The following ZNF410 variants were observed in gnomAD, a reference collection of about 807,000 sequenced individuals.
The protein encoded by ZNF410 is zinc finger protein 410.
ZNF410 carries 18 observed loss-of-function variants against 54.8 expected under a neutral mutation model. That is an observed-to-expected ratio of 0.33 (90% confidence interval 0.23 to 0.49). The LOEUF (loss-of-function observed/expected upper bound fraction) is 0.49, where lower values mean the gene tolerates loss of function less well. Among genes scored for constraint, ZNF410 ranks in the 20% least tolerant of loss-of-function variants. The pLI is 0.99. For synonymous variants in ZNF410, 191 were observed against 207.3 expected (o/e 0.92, Z 0.68); for missense variants, 405 against 569.6 (o/e 0.71, Z 2.94).
At chr14:73,919,641 G>A (rs1380259966) in intron 8 of ZNF410, among the ~76,000 whole-genome samples, 1 of 152,176 alleles carries the variant, frequency 6.6e-6, no homozygotes, top group Non-Finnish European at 1.5e-5. Flanking sequence ...TGGCTGCATA[G>A]TATTTCATGG....
chr14:73,904,803 G>C, intron 6 of ZNF410, 99 bp from the exon 7 acceptor site: 3 of 1,334,812 alleles, frequency 2.2e-6, no homozygotes, highest in Non-Finnish European at 3.0e-6. Flanking sequence ...TCCAGTTTTT[G>C]GACTTACTGT....
chr14:73,894,737 T>C (rs2055287134), intron 3 of ZNF410, among the ~76,000 whole-genome samples: 1 of 152,124 alleles, frequency 6.6e-6, no homozygotes, highest in South Asian at 2.1e-4. Flanking sequence ...TATCAATACA[T>C]ACTTTCTAAA....
chr14:73,906,514 T>A (rs2055493185), intron 7 of ZNF410: 1 of 151,938 alleles, frequency 6.6e-6, no homozygotes, highest in Non-Finnish European at 1.5e-5. Context: ...GGAGTCTCAC[T>A]CTGTCGCCCA....
At chr14:73,891,463 C>T (rs2055228904) in intron 1 of ZNF410, among the ~76,000 whole-genome samples, 1 of 152,276 alleles carries the variant, frequency 6.6e-6, no homozygotes, top group Middle Eastern at 3.4e-3. Context: ...AAGGGATTCT[C>T]CTGCCTCAGT....
rs2055912565 is a variant in ZNF410 at position 73,931,400 on chromosome 14, G to GGAAGTAGA, written c.1399-103_1399-102insGAAGTAGA. 4.1e-6 allele frequency: 4 copies of GGAAGTAGA among 970,222 alleles called. No homozygotes were observed. In the African/African-American group the frequency reaches 6.6e-5, roughly 16 times the overall value. 60.1% of individuals were successfully genotyped at this position (970,222 alleles called of 1,614,324 possible). On this transcript the variant is annotated intron_variant, in intron 11 of 11. Transcript: ENST00000555044. ...AAGTAGATAGCCTTCATTCACCCCT[G>GGAAGTAGA]TAGTGCATTCTCCATCCTCCACTCT...
chr14:73,912,012 G>A lies in ZNF410; in HGVS notation c.1003+2582G>A, dbSNP rs371944961. Among the ~76,000 whole-genome samples the A allele has an allele frequency of 1.3e-3, 200 of 152,208 alleles. 1 individual carries two copies. Among genetic ancestry groups the A allele is most frequent in the African/African-American group, 4.7e-3 (194 of 41,520 alleles). On this transcript the variant is annotated intron_variant, in intron 8 of 11. Coordinates refer to ENST00000555044, the MANE Select transcript of ZNF410 (RefSeq NM_021188.3). The stretch of plus-strand genomic sequence containing the variant: ...GTAAGTAAGCTCTAAAAGCTTCAAA[G>A]TTTGGAAGTTTTGGGCAAGAATATG...
At chr14:73,902,694 G>A (rs1245373377) in intron 5 of ZNF410, among the ~76,000 whole-genome samples, 2 of 152,124 alleles carry the variant, frequency 1.3e-5, no homozygotes, top group Non-Finnish European at 2.9e-5. Context: ...ATATGCTCAT[G>A]GCAGAATTAA....
At chr14:73,906,732 C>T (rs1314802690) in intron 7 of ZNF410, among the ~76,000 whole-genome samples, 1 of 151,762 alleles carries the variant, frequency 6.6e-6, no homozygotes, top group African/African-American at 2.4e-5. Flanking sequence ...GCCGACCTTG[C>T]CCTCCCAAAG....
At chr14:73,896,054 C>A in intron 3 of ZNF410, 1 of 447,884 alleles carries the variant, frequency 2.2e-6, no homozygotes, top group South Asian at 3.2e-5. Context: ...CTGTGATGTC[C>A]AAATGTTGAA....
intron 7 of ZNF410, among the ~76,000 whole-genome samples, chr14:73,906,679 A>G (rs2055495447): frequency 6.6e-6 from 1 of 151,894 alleles, no homozygotes; most frequent in Non-Finnish European, 1.5e-5. Context: ...GGGTTTTGCC[A>G]TGTTGGCCAG....
intron 11 of ZNF410, among the ~76,000 whole-genome samples, chr14:73,925,795 G>A (rs1470655334): frequency 1.3e-5 from 2 of 152,150 alleles, no homozygotes; most frequent in African/African-American, 4.8e-5. Context: ...ACTTTCGGAG[G>A]TGGAGGCAAG....
chr14:73,903,313 C>T (rs1237290282), intron 5 of ZNF410, among the ~76,000 whole-genome samples: 4 of 152,190 alleles, frequency 2.6e-5, no homozygotes, highest in South Asian at 2.1e-4. Flanking sequence ...CCCTGCTTCT[C>T]CACCAAACTG....
intron 7 of ZNF410, among the ~76,000 whole-genome samples, chr14:73,907,894 GAA>G (rs113294277): frequency 2.2e-5 from 3 of 135,762 alleles, no homozygotes; most frequent in East Asian, 2.1e-4. Context: ...ACTCTGTCTT[GAA>G]AAAAAAAAAA....
chr14:73,896,257 A>G, intron 3 of ZNF410, 59 bp from the exon 4 acceptor site: 1 of 1,329,534 alleles, frequency 7.5e-7, no homozygotes, highest in Non-Finnish European at 1.1e-6. Flanking sequence ...CTGTGTATCA[A>G]AATGGTGGGC....
At chr14:73,904,177 T>C in intron 6 of ZNF410, 67 bp downstream of exon 6, 1 of 1,548,450 alleles carries the variant, frequency 6.5e-7, no homozygotes, top group Middle Eastern at 1.7e-4. Context: ...CCAGAGGAAC[T>C]TGCCCCTCAG....
intron 8 of ZNF410, among the ~76,000 whole-genome samples, chr14:73,917,464 T>C (rs2140319000): frequency 6.6e-6 from 1 of 152,276 alleles, no homozygotes; most frequent in South Asian, 2.1e-4. Flanking sequence ...TTTTTGCATA[T>C]ACAAGCAAAT....
intron 7 of ZNF410, among the ~76,000 whole-genome samples, chr14:73,907,380 T>G (rs1055634951): frequency 6.7e-6 from 1 of 148,686 alleles, no homozygotes; most frequent in Non-Finnish European, 1.5e-5. Flanking sequence ...AGCACATCAC[T>G]TGAGGGCAAG....
chr14:73,898,037 GTTTCTAACT>G, intron 4 of ZNF410, 25 bp from the exon 5 acceptor site: 1 of 1,576,606 alleles, frequency 6.3e-7, no homozygotes, highest in South Asian at 1.1e-5. Flanking sequence ...AGCTTGCTTG[GTTTCTAACT>G]TTTCATATAT....
intron 9 of ZNF410, 70 bp from the exon 10 acceptor site, chr14:73,921,996 G>C (rs1463123557): frequency 6.4e-7 from 1 of 1,568,228 alleles, no homozygotes; most frequent in Non-Finnish European, 8.7e-7. Context: ...GCCAGCTTCT[G>C]TTGAAAGAAA....
Sources: allele counts gnomAD v4.1 joint callset (sites outside exome capture counted in the v4.1 genomes callset), GRCh38; gene constraint gnomAD v4.1.1; transcripts MANE v1.5; gene names NCBI Gene and HGNC (gene_info 2026-07-23, HGNC 2026-07-21).